PKD1: variants seen among roughly 807,000 people sequenced by gnomAD.
The protein encoded by PKD1 is polycystin 1, transient receptor potential channel interacting, also known as polycystin-1.
Under a neutral mutation model 361.7 loss-of-function variants are expected in PKD1, and 81 were observed. That is an observed-to-expected ratio of 0.22 (90% CI 0.19 to 0.27). PKD1 has a LOEUF of 0.27. PKD1 is among the 10% of genes least tolerant of loss of function. The probability of loss-of-function intolerance (pLI) is 1.00; values close to 1 mark genes in which losing one functional copy is unlikely to be tolerated. For synonymous variants in PKD1, 3,615 were observed against 2,818.3 expected, an observed-to-expected ratio of 1.28 and a Z score of -8.95; for missense variants, 6,399 against 6,118.3, an observed-to-expected ratio of 1.05 and a Z score of -1.53.
chr16:2,105,630 C>G, intron 20 of PKD1, 156 bp from the exon 21 acceptor site: 3 of 1,543,154 alleles, frequency 1.9e-6, no homozygotes, highest in South Asian at 1.2e-5. Flanking sequence ...ATGGGCAAAA[C>G]AGGGTAAGCA....
chr16:2,120,822 T>C (rs1381509033), intron 1 of PKD1, among the ~76,000 whole-genome samples: 1 of 151,980 alleles, frequency 6.6e-6, no homozygotes, highest in Non-Finnish European at 1.5e-5. Context: ...ATCGAGACCA[T>C]CCTGGCCAAC....
chr16:2,123,122 C>A (rs3898764), intron 1 of PKD1, among the ~76,000 whole-genome samples: 1 of 152,186 alleles, frequency 6.6e-6, no homozygotes. Context: ...ACTTCTTCCA[C>A]GCCAGCAGGC....
intron 1 of PKD1, among the ~76,000 whole-genome samples, chr16:2,134,654 T>C (rs2092928906): frequency 6.6e-6 from 1 of 151,458 alleles, no homozygotes; most frequent in Non-Finnish European, 1.5e-5. Flanking sequence ...TCCAAACCTG[T>C]TTCCTCATCT....
At chr16:2,105,694 C>A (rs1480386938) in intron 20 of PKD1, 171 bp downstream of exon 20, 8 of 1,310,174 alleles carry the variant, frequency 6.1e-6, no homozygotes, top group East Asian at 2.5e-5. Context: ...CCGGAGAGGG[C>A]CCGGTGGGTG....
Position 2,135,863 on chromosome 16 carries a change from G to C in PKD1, c.-174C>G, listed in dbSNP as rs2092943853. 1 of 237,504 alleles carries C rather than the reference G, an allele frequency of 4.2e-6. No homozygotes were observed. The highest frequency in any genetic ancestry group is 6.8e-6 in the Non-Finnish European group (1 of 147,784). 14.7% of individuals were successfully genotyped at this position (237,504 alleles called of 1,614,324 possible). On this transcript the variant is annotated 5_prime_UTR_variant, in exon 1 of 46. Coordinates refer to ENST00000262304, the MANE Select transcript of PKD1 (RefSeq NM_001009944.3). ...GGCTCGGGGCCAGGCCGCTCCGGGAGCTCGGCCGCCCGCTCGGACGCTGGC... is the reference window on the plus strand; with the variant it reads ...GGCTCGGGGCCAGGCCGCTCCGGGACCTCGGCCGCCCGCTCGGACGCTGGC...
Position 2,111,767 on chromosome 16 carries a change from T to A in PKD1, c.3400A>T (p.Ser1134Cys). 3.1e-6 allele frequency: 5 copies of A among 1,606,706 alleles called. No individual in the cohort carries two copies. Among genetic ancestry groups the A allele is most frequent in the Non-Finnish European group, 3.4e-6 (4 of 1,178,110 alleles). Residue 1134 changes from serine to cysteine, a missense_variant, in exon 15 of 46, where the codon AGT (serine) becomes TGT (cysteine). Ser to Cys is a moderately radical substitution (Grantham distance 112). Coordinates refer to ENST00000262304, the MANE Select transcript of PKD1 (RefSeq NM_001009944.3). ...CGGCCGGCCACCAGGACGCCGTCAC[T>A]CACACCCACAGCCACGGAGGGCAGG... ...ASLPSVAVGV[S>C]DGVLVAGRPV...
Position 2,117,021 on chromosome 16 carries a change from A to G in PKD1, c.1418T>C (p.Val473Ala), listed in dbSNP as rs1465469040. The change falls in exon 7 of 46, where the codon GTG becomes GCG. Residue 473 changes from valine to alanine, a missense_variant. Transcript: ENST00000262304. ...SLDVWIGFST[V>A]QGVEVGPAPQ... ...CGCTGGGCCCACCTCCACCCCCTGC[A>G]CAGTCGAGAAGCCGATCCACACGTC... 3.8e-6 allele frequency: 6 copies of G among 1,585,888 alleles called. No individual in the cohort carries two copies. The highest frequency in any genetic ancestry group is 2.2e-5 in the South Asian group (2 of 90,412).
In PKD1 at chr16:2,107,825, G is replaced by C. The variant is rs970232430; in HGVS notation, c.7065+58C>G. The stretch of plus-strand genomic sequence containing the variant: ...CAGCACTAAAACACGGAAAACAGTA[G>C]ATGACCAGGGAGGCTGGGCTGTCCA... On this transcript the variant is annotated intron_variant, in intron 16 of 45. Coordinates refer to ENST00000262304, the MANE Select transcript of PKD1 (RefSeq NM_001009944.3). 43 of 1,506,978 alleles carry C rather than the reference G, an allele frequency of 2.9e-5. No individual in the cohort carries two copies. In the African/African-American group the frequency reaches 5.2e-4, roughly 18 times the overall value. 93.4% of individuals were successfully genotyped at this position (1,506,978 alleles called of 1,614,324 possible).
In PKD1 at chr16:2,090,569, A is replaced by C; in HGVS notation, c.12160T>G (p.Ser4054Ala). 6.2e-7 allele frequency: 1 copy of C among 1,609,148 alleles called. No homozygotes were observed. Among genetic ancestry groups the C allele is most frequent in the Non-Finnish European group, 8.5e-7 (1 of 1,179,642 alleles). The part of the protein sequence containing the change: ...AILLVSSCVD[S>A]LWSVAQALLV... ...AGGGCCTGGGCCACGCTCCAGAGGG[A>C]GTCCACACAGGAAGACACGAGCTGC... Residue 4054 changes from serine to alanine, a missense_variant, in exon 45 of 46, where the codon TCC becomes GCC. Transcript: ENST00000262304.
chr16:2,111,708 C>T lies in PKD1; in HGVS notation c.3459G>A (p.Ser1153=), dbSNP rs747374277. The part of the protein sequence containing the change: ...PVTFYPHPLP[S]PGGVLYTWDF... Reference sequence around the variant, plus strand: ...CCCACGTGTAAAGAACACCCCCAGGCGAGGGCAGCGGGTGCGGGTAGAAGG... The same window carrying T: ...CCCACGTGTAAAGAACACCCCCAGGTGAGGGCAGCGGGTGCGGGTAGAAGG... The change falls in exon 15 of 46, where the codon TCG becomes TCA. Residue 1153 remains serine (S), a synonymous_variant. Coordinates refer to ENST00000262304, the MANE Select transcript of PKD1 (RefSeq NM_001009944.3). 15 of 1,586,304 alleles carry T rather than the reference C, an allele frequency of 9.5e-6. No individual in the cohort carries two copies. Among genetic ancestry groups the T allele is most frequent in the Admixed American group, 3.6e-5 (2 of 55,806 alleles).
Position 2,134,527 on chromosome 16 carries a change from C to T in PKD1, c.215+948G>A, listed in dbSNP as rs1217275293. Reference sequence around the variant, plus strand: ...CCCCAGCGCTGGGGACAACTGTCTGCTTATCTTAGTCCCCTCCGCCCTTTT... The same window carrying T: ...CCCCAGCGCTGGGGACAACTGTCTGTTTATCTTAGTCCCCTCCGCCCTTTT... On this transcript the variant is annotated intron_variant, in intron 1 of 45. Transcript: ENST00000262304. 6.9e-5 allele frequency among the ~76,000 whole-genome samples: 10 copies of T among 144,070 alleles called. No individual in the cohort carries two copies. In the East Asian group the frequency reaches 1.7e-3, roughly 25 times the overall value. 94.5% of individuals were successfully genotyped at this position (144,070 alleles called of 152,430 possible).
At chr16:2,115,764 G>A (rs1596581397) in intron 9 of PKD1, 139 bp from the exon 10 acceptor site, 1 of 1,028,728 alleles carries the variant, frequency 9.7e-7, no homozygotes, top group South Asian at 1.5e-5. Context: ...GCCCAGTGCT[G>A]CGTCCGTCTC....
chr16:2,127,157 C>G (rs993900689), intron 1 of PKD1, among the ~76,000 whole-genome samples: 1 of 152,238 alleles, frequency 6.6e-6, no homozygotes, highest in African/African-American at 2.4e-5. Context: ...CGCACACCGC[C>G]ACCACCTAAC....
At chr16:2,103,113 C>T in intron 23 of PKD1, 143 bp from the exon 24 acceptor site, 1 of 1,271,260 alleles carries the variant, frequency 7.9e-7, no homozygotes, top group Non-Finnish European at 1.1e-6. Flanking sequence ...ACCTGCTTCT[C>T]CGTGGCCCCC....
rs777021233 is a variant in PKD1, at chr16:2,112,337, C to A, written c.3295+3G>T. On this transcript the variant is annotated splice_donor_region_variant and intron_variant, in intron 14 of 45. Transcript: ENST00000262304. ...GTGGCCCCCTCACCCCCTCATCCCT[C>A]ACCTGGGGCAGCGTAGGTGTGCATG... is the stretch of plus-strand genomic sequence containing the variant. The A allele has an allele frequency of 1.1e-5, 18 of 1,587,668 alleles. No individual in the cohort carries two copies. The South Asian group carries it at 1.9e-4, about 17-fold the overall frequency.
rs773620699 is a variant in PKD1, at chr16:2,105,987, C to A, written c.7741G>T (p.Ala2581Ser). Residue 2581 changes from alanine (A) to serine (S), a missense_variant, in exon 20 of 46, where the codon GCA (alanine) becomes TCA (serine). Coordinates refer to ENST00000262304, the MANE Select transcript of PKD1 (RefSeq NM_001009944.3). ...AITLPEPNGSATGLTVWLHGL... is the reference protein window; with the variant it reads ...AITLPEPNGSSTGLTVWLHGL... The stretch of plus-strand genomic sequence containing the variant: ...TGCAGCCAGACTGTGAGCCCCGTTG[C>A]GCTGCCGTTGGGCTCTGGGAGGGTG... The A allele has an allele frequency of 3.1e-6, 5 of 1,603,344 alleles. No homozygotes were observed. Among genetic ancestry groups the A allele is most frequent in the Non-Finnish European group, 3.4e-6 (4 of 1,179,616 alleles).
chr16:2,126,247 C>T (rs1051130418), intron 1 of PKD1, among the ~76,000 whole-genome samples: 1 of 152,264 alleles, frequency 6.6e-6, no homozygotes. Flanking sequence ...TGGGCTTGCC[C>T]CAGCGCTGGC....
At position 2,106,607 on chromosome 16, in the gene PKD1, G is replaced by C. The variant is rs140494005; in HGVS notation, c.7280C>G (p.Ala2427Gly). Residue 2427 changes from alanine (A) to glycine (G), a missense_variant, in exon 18 of 46, where the codon GCA (alanine) becomes GGA (glycine). Ala to Gly is a moderately conservative substitution (Grantham distance 60). Transcript: ENST00000262304. This position sits in a 1 kb window ranked among gnomAD's most constrained non-coding sequence, Gnocchi z 6.5. ...CCGCCGCAGCACCAGTCGCATGCCT[G>C]CACTGCCCGTGGATGTGGTGGTCTC... ...LDETTTSTGSAGMRLVLRRGV... is the reference protein window; with the variant it reads ...LDETTTSTGSGGMRLVLRRGV... 37 of 1,598,388 alleles carry C rather than the reference G, an allele frequency of 2.3e-5. No individual in the cohort carries two copies. In the African/African-American group the frequency reaches 3.7e-4, roughly 16 times the overall value.
At position 2,089,019 on chromosome 16, in the gene PKD1, G is replaced by GC. The variant is rs2091295661; in HGVS notation, c.*707dup. Reference sequence around the variant, plus strand: ...CCAGACCTGATGCCAGCAGGCCTGGGCGCTGCTCTCTTGCTACCTGGCCTG... The same window carrying GC: ...CCAGACCTGATGCCAGCAGGCCTGGGCCGCTGCTCTCTTGCTACCTGGCCTG... On this transcript the variant is annotated 3_prime_UTR_variant, in exon 46 of 46. Transcript: ENST00000262304. The GC allele has an allele frequency of 3.2e-5, 7 of 217,996 alleles. No homozygotes were observed. The East Asian group carries it at 7.3e-4, about 23-fold the overall frequency. The allele number at this position is 217,996 out of a possible 1,614,324, so 13.5% of individuals were successfully genotyped here.
Sources: gnomAD v4.1 joint callset for allele counts (sites outside exome capture counted in the v4.1 genomes callset) on GRCh38, gnomAD v4.1.1 for gene constraint, Gnocchi (gnomAD v3.1) non-coding constraint, MANE v1.5 for transcripts, NCBI Gene and HGNC (gene_info 2026-07-23, HGNC 2026-07-21) for gene names.